SOX5: variants seen among roughly 807,000 people sequenced by gnomAD.
The protein encoded by SOX5 is SRY-box transcription factor 5.
In SOX5, 9 loss-of-function variants were observed where a neutral mutation model predicts 92.0. The ratio of observed to expected loss-of-function variants is 0.10; its 90% confidence interval spans 0.06 to 0.17. SOX5 has a LOEUF of 0.17. SOX5 is among the 10% of genes least tolerant of loss of function. The pLI, the probability that SOX5 is intolerant of heterozygous loss-of-function variation, is 1.00. For synonymous variants in SOX5, 344 were observed against 336.3 expected, an observed-to-expected ratio of 1.02 and a Z score of -0.25; for missense variants, 642 against 944.5, an observed-to-expected ratio of 0.68 and a Z score of 4.20.
chr12:23,917,378 T>C (rs1054615274), intron 1 of SOX5, among the ~76,000 whole-genome samples: 1 of 151,800 alleles, frequency 6.6e-6, no homozygotes, highest in Non-Finnish European at 1.5e-5. Context: ...CTGTCTCTAC[T>C]AAAAATACAA....
At chr12:23,699,975 T>C (rs1456637260) in intron 6 of SOX5, among the ~76,000 whole-genome samples, 1 of 152,152 alleles carries the variant, frequency 6.6e-6, no homozygotes, top group Non-Finnish European at 1.5e-5. Flanking sequence ...ACTTGCTCTG[T>C]TTTATAAAAA....
chr12:24,315,970 C>G lies in SOX5; in HGVS notation c.-173-38658G>C, dbSNP rs567546716. On this transcript the variant is annotated intron_variant, in intron 2 of 4. Coordinates refer to the SOX5 transcript ENST00000446891. ...CTTCCTTCAAAGCTAAGGCCTTCAG[C>G]CACGGGCTTCTCTTTCACATCACTT... is the stretch of plus-strand genomic sequence containing the variant. 2.5e-4 allele frequency among the ~76,000 whole-genome samples: 38 copies of G among 152,338 alleles called. 1 individual carries two copies. The highest frequency in any genetic ancestry group is 8.5e-4 in the Admixed American group (13 of 15,300).
At chr12:23,897,683 C>A (rs10505914) in intron 1 of SOX5, among the ~76,000 whole-genome samples, 48,159 of 151,922 alleles carry the variant, frequency 0.32, 8,774 homozygotes, top group Non-Finnish European at 0.43. Context: ...TTTCACTATA[C>A]AATCAACATA....
chr12:24,553,350 G>T (rs146770588), intron 1 of SOX5, among the ~76,000 whole-genome samples: 108 of 152,308 alleles, frequency 7.1e-4, no homozygotes, highest in African/African-American at 2.5e-3. Context: ...AGGAGGGCTG[G>T]GAGGGTTAAA....
chr12:24,056,601 T>C (rs1958130239), intron 4 of SOX5, among the ~76,000 whole-genome samples: 1 of 152,110 alleles, frequency 6.6e-6, no homozygotes, highest in Admixed American at 6.5e-5. Flanking sequence ...GTGAGGTGCG[T>C]ATTAAAATGA....
At chr12:24,260,802 T>C (rs888809840) in intron 3 of SOX5, among the ~76,000 whole-genome samples, 2 of 152,178 alleles carry the variant, frequency 1.3e-5, no homozygotes, top group East Asian at 1.9e-4. Context: ...ATACTTTTAG[T>C]CATTGGAAAA....
chr12:24,318,124 G>A lies in SOX5; in HGVS notation c.-173-40812C>T, dbSNP rs12581216. Among the ~76,000 whole-genome samples, 134 of 152,194 alleles carry A rather than the reference G, an allele frequency of 8.8e-4. No individual in the cohort carries two copies. The East Asian group carries it at 0.019, about 22-fold the overall frequency. ...CTCAGGAGGCTGAGGCATGAGAATC[G>A]CTTGAAACCGGGAGGCAGAGATTGC... On this transcript the variant is annotated intron_variant, in intron 2 of 4. Transcript: ENST00000446891.
chr12:24,036,730 A>G (rs10505928), intron 4 of SOX5, among the ~76,000 whole-genome samples: 20,233 of 152,120 alleles, frequency 0.13, 1,861 homozygotes, highest in Non-Finnish European at 0.21. Flanking sequence ...GATGTATATA[A>G]TGATCATAGC....
intron 4 of SOX5, among the ~76,000 whole-genome samples, chr12:24,146,425 C>G (rs1429072543): frequency 6.6e-6 from 1 of 152,018 alleles, no homozygotes; most frequent in Non-Finnish European, 1.5e-5. Context: ...TAGAAAGTAT[C>G]TGAACTAAGT....
chr12:24,157,041 A>G (rs1952251396), intron 4 of SOX5, among the ~76,000 whole-genome samples: 1 of 152,056 alleles, frequency 6.6e-6, no homozygotes, highest in African/African-American at 2.4e-5. Context: ...TGATTAGTCT[A>G]ATGATATTTT....
At chr12:23,637,577 GGA>G (rs760722502) in intron 8 of SOX5, among the ~76,000 whole-genome samples, 2 of 152,148 alleles carry the variant, frequency 1.3e-5, no homozygotes, top group African/African-American at 2.4e-5. Flanking sequence ...AGGGAGCTGA[GGA>G]GAGAGAAGAT....
At chr12:24,325,902 G>T (rs533007163) in intron 2 of SOX5, among the ~76,000 whole-genome samples, 1 of 152,166 alleles carries the variant, frequency 6.6e-6, no homozygotes, top group Non-Finnish European at 1.5e-5. Flanking sequence ...ACACGTGCAC[G>T]CGCGCGCGTG....
At chr12:24,496,768 G>T (rs970323545) in intron 1 of SOX5, among the ~76,000 whole-genome samples, 1 of 152,228 alleles carries the variant, frequency 6.6e-6, no homozygotes, top group Non-Finnish European at 1.5e-5. Context: ...AGCACCCAAA[G>T]AATGCATTGG....
chr12:23,630,596 A>G (rs2078408158), intron 8 of SOX5, among the ~76,000 whole-genome samples: 1 of 152,074 alleles, frequency 6.6e-6, no homozygotes, highest in Admixed American at 6.6e-5. Flanking sequence ...ATACTATTAA[A>G]TATTAACTCA....
Position 23,895,967 on chromosome 12 carries a change from C to A in SOX5, c.96G>T (p.Met32Ile), listed in dbSNP as rs775853628. ...PYGEADGEVA[M>I]VTSRQKVEEE... ...CTTCCACTTTCTGTCTGCTTGTCACCATGGCTACCTCTCCATCTGCTTCCC... is the reference window on the plus strand; with the variant it reads ...CTTCCACTTTCTGTCTGCTTGTCACAATGGCTACCTCTCCATCTGCTTCCC... Residue 32 changes from methionine (M) to isoleucine (I), a missense_variant, in exon 2 of 15, where the codon ATG becomes ATT. Physicochemically the swap from Met to Ile is conservative, Grantham distance 10 (BLOSUM62 1). Transcript: ENST00000451604. 1 of 1,614,020 alleles carries A rather than the reference C, an allele frequency of 6.2e-7. No individual in the cohort carries two copies. The highest frequency in any genetic ancestry group is 8.5e-7 in the Non-Finnish European group (1 of 1,180,008).
intron 1 of SOX5, among the ~76,000 whole-genome samples, chr12:23,941,518 G>A (rs1372847759): frequency 6.6e-6 from 1 of 151,380 alleles, no homozygotes; most frequent in Non-Finnish European, 1.5e-5. Flanking sequence ...CCAAATTGTA[G>A]TTATATTTAG....
chr12:24,505,341 G>A (rs1372717064), intron 1 of SOX5, among the ~76,000 whole-genome samples: 1 of 152,176 alleles, frequency 6.6e-6, no homozygotes. Context: ...ATGGGAGCTT[G>A]TTGGAGAAAA....
At chr12:24,342,488 T>C (rs1488512120) in intron 2 of SOX5, among the ~76,000 whole-genome samples, 1 of 152,250 alleles carries the variant, frequency 6.6e-6, no homozygotes, top group Non-Finnish European at 1.5e-5. Flanking sequence ...CCTTTAGTTA[T>C]TTGCTATTCA....
intron 4 of SOX5, among the ~76,000 whole-genome samples, chr12:24,115,205 A>T (rs1246559153): frequency 6.6e-6 from 1 of 152,206 alleles, no homozygotes; most frequent in Admixed American, 6.5e-5. Context: ...CAACCCACAG[A>T]TTAGAGGTAG....
Sources: gnomAD v4.1 joint callset for allele counts (sites outside exome capture counted in the v4.1 genomes callset) on GRCh38, gnomAD v4.1.1 for gene constraint, MANE v1.5 for transcripts, NCBI Gene and HGNC (gene_info 2026-07-23, HGNC 2026-07-21) for gene names.